Variants in RUNDC3A observed in about 807,000 individuals in gnomAD.
RUNDC3A encodes RUN domain-containing protein 3A.
A neutral mutation model predicts 53.9 loss-of-function variants in RUNDC3A; 28 were observed. The observed-to-expected ratio is 0.52, with a 90% CI of 0.38 to 0.71. RUNDC3A has a LOEUF of 0.71. RUNDC3A is among the 30% of genes least tolerant of loss of function. The pLI, the probability that RUNDC3A is intolerant of heterozygous loss-of-function variation, is 0.00. For missense variants in RUNDC3A, 491 were observed against 597.3 expected, an observed-to-expected ratio of 0.82 and a Z score of 1.85; for synonymous variants, 232 against 249.4, an observed-to-expected ratio of 0.93 and a Z score of 0.66.
At position 44,313,195 on chromosome 17, in the gene RUNDC3A, C is replaced by T; in HGVS notation, c.315C>T (p.Pro105=). The T allele has an allele frequency of 6.2e-7, 1 of 1,613,862 alleles. No individual in the cohort carries two copies. Among genetic ancestry groups the T allele is most frequent in the Non-Finnish European group, 8.5e-7 (1 of 1,179,844 alleles). ...TCCGGCTGGCCTGCAGCAAAGTGCC[C>T]AACAACTGTGTGAGCAGCATCGAGA... is the stretch of plus-strand genomic sequence containing the variant. The part of the protein sequence containing the change: ...DYIRLACSKV[P]NNCVSSIENM... Residue 105 remains proline (P), a synonymous_variant, in exon 3 of 11, where the codon CCC becomes CCT. Coordinates refer to ENST00000426726, the MANE Select transcript of RUNDC3A (RefSeq NM_001144825.2).
At position 44,315,720 on chromosome 17, in the gene RUNDC3A, C is replaced by T. The variant is rs2047849704; in HGVS notation, c.953+111C>T. On this transcript the variant is annotated intron_variant, in intron 8 of 10. Coordinates refer to ENST00000426726, the MANE Select transcript of RUNDC3A (RefSeq NM_001144825.2). This position sits in a 1 kb window ranked among gnomAD's most constrained non-coding sequence, Gnocchi z 6.1. The stretch of plus-strand genomic sequence containing the variant: ...TAACATCACCCGACACGAGCACCCA[C>T]CTCTCCAGCATCAACCCTCTGATCC... 1.9e-6 allele frequency: 2 copies of T among 1,026,578 alleles called. No individual in the cohort carries two copies. The highest frequency in any genetic ancestry group is 2.6e-6 in the Non-Finnish European group (2 of 768,630). 63.6% of individuals were successfully genotyped at this position (1,026,578 alleles called of 1,614,324 possible).
intron 1 of RUNDC3A, 45 bp from the exon 2 acceptor site, chr17:44,312,535 C>T (rs1370761447): frequency 3.5e-6 from 4 of 1,141,278 alleles, no homozygotes; most frequent in Non-Finnish European, 5.1e-6. Context: ...CACCTGTTTC[C>T]TCACCTGACA....
intron 8 of RUNDC3A, 62 bp from the exon 9 acceptor site, chr17:44,316,323 T>G: frequency 6.6e-7 from 1 of 1,515,504 alleles, no homozygotes; most frequent in Non-Finnish European, 9.1e-7. Context: ...ATCCCCTTGC[T>G]GAATCTCCCT....
intron 4 of RUNDC3A, chr17:44,314,446 A>T: frequency 1.5e-6 from 2 of 1,334,436 alleles, no homozygotes; most frequent in Non-Finnish European, 1.9e-6. Flanking sequence ...AGCACTAATG[A>T]TTAAGACTTG....
chr17:44,314,860 G>A, intron 5 of RUNDC3A, 36 bp downstream of exon 5: 3 of 1,613,868 alleles, frequency 1.9e-6, no homozygotes, highest in Non-Finnish European at 2.5e-6. Context: ...GGAGGGGGCT[G>A]TTTCCCCCAT....
chr17:44,313,282 C>G (rs898282238), intron 3 of RUNDC3A, 30 bp downstream of exon 3: 4 of 1,611,908 alleles, frequency 2.5e-6, no homozygotes, highest in Non-Finnish European at 3.4e-6. Context: ...CAACTGCTCT[C>G]TGCTCTGGAC....
intron 4 of RUNDC3A, chr17:44,314,370 C>A: frequency 9.5e-7 from 1 of 1,053,942 alleles, no homozygotes; most frequent in Non-Finnish European, 1.1e-6. Flanking sequence ...GATGTTTTTA[C>A]TGAATTCCAT....
chr17:44,314,003 A>G (rs2047803028), intron 4 of RUNDC3A: 1 of 991,208 alleles, frequency 1.0e-6, no homozygotes, highest in African/African-American at 1.7e-5. Context: ...CACCACCACC[A>G]CTTGCAAGTC....
chr17:44,318,062 T>A, intron 10 of RUNDC3A, 34 bp from the exon 11 acceptor site: 2 of 1,546,196 alleles, frequency 1.3e-6, no homozygotes, highest in Non-Finnish European at 1.7e-6. Flanking sequence ...ACATGTAGAC[T>A]GGTCGCTTGG....
intron 9 of RUNDC3A, 24 bp from the exon 10 acceptor site, chr17:44,316,595 G>A (rs2047868697): frequency 1.9e-6 from 3 of 1,559,448 alleles, no homozygotes; most frequent in Non-Finnish European, 2.6e-6. Context: ...CTCTACCGGC[G>A]CACCAGCTCT....
rs762826390 is a variant in RUNDC3A, at chr17:44,308,882, A to G, written c.50A>G (p.Lys17Arg). 6 of 1,612,022 alleles carry G rather than the reference A, an allele frequency of 3.7e-6. No individual in the cohort carries two copies. The Admixed American group carries it at 1.0e-4, about 27-fold the overall frequency. ...ACCATGGCTCTGGGGCTGTCCTCCAAGAAAGCGTCCTCTCGCAACGTGGCT... is the reference window on the plus strand; with the variant it reads ...ACCATGGCTCTGGGGCTGTCCTCCAGGAAAGCGTCCTCTCGCAACGTGGCT... The part of the protein sequence containing the change: ...QTTMALGLSS[K>R]KASSRNVAVE... Residue 17 changes from lysine to arginine, a missense_variant, in exon 1 of 11, where the codon AAG becomes AGG. Physicochemically the swap from Lys to Arg is conservative, Grantham distance 26. Coordinates refer to ENST00000426726, the MANE Select transcript of RUNDC3A (RefSeq NM_001144825.2).
chr17:44,317,456 ATT>A (rs763349219), intron 10 of RUNDC3A: 41 of 780,632 alleles, frequency 5.3e-5, no homozygotes, highest in Non-Finnish European at 9.6e-6. Context: ...TTGCCTGACC[ATT>A]GTTTCCCCCT....
intron 10 of RUNDC3A, chr17:44,317,394 C>T (rs1000737370): frequency 1.9e-5 from 15 of 771,312 alleles, no homozygotes; most frequent in East Asian, 7.3e-5. Context: ...CACAAACTCT[C>T]GGGGAACTCC....
At chr17:44,317,316 A>G (rs1364536030) in intron 10 of RUNDC3A, among the ~76,000 whole-genome samples, 1 of 152,154 alleles carries the variant, frequency 6.6e-6, no homozygotes, top group Non-Finnish European at 1.5e-5. Flanking sequence ...GGGGATGTTG[A>G]TAATCACCAA....
intron 10 of RUNDC3A, chr17:44,316,944 T>TC: frequency 2.1e-6 from 1 of 477,054 alleles, no homozygotes; most frequent in Non-Finnish European, 3.7e-6. Context: ...TGCCTCAGCC[T>TC]CCCGAGTAGC....
At position 44,315,763 on chromosome 17, in the gene RUNDC3A, G is replaced by A. The variant is rs1437785542; in HGVS notation, c.953+154G>A. On this transcript the variant is annotated intron_variant, in intron 8 of 10. Transcript: ENST00000426726. The surrounding 1 kb of genome is among the most constrained non-coding windows in gnomAD (Gnocchi z 6.1). ...TCTGATCCAGCCAGCCCCACCCCGA[G>A]ATGCCCACAATGATCTTCTAACATT... The A allele has an allele frequency of 3.3e-6, 2 of 603,674 alleles. No individual in the cohort carries two copies. Among genetic ancestry groups the A allele is most frequent in the East Asian group, 7.0e-5 (2 of 28,494 alleles). 37.4% of individuals were successfully genotyped at this position (603,674 alleles called of 1,614,324 possible).
intron 1 of RUNDC3A, among the ~76,000 whole-genome samples, chr17:44,310,198 C>A (rs562831004): frequency 2.6e-5 from 4 of 152,366 alleles, no homozygotes; most frequent in Admixed American, 6.5e-5. Flanking sequence ...TTTAGCTGCG[C>A]CACCTTGGGG....
Position 44,308,702 on chromosome 17 carries a change from C to G in RUNDC3A, c.-131C>G. On this transcript the variant is annotated 5_prime_UTR_variant, in exon 1 of 11. Coordinates refer to ENST00000426726, the MANE Select transcript of RUNDC3A (RefSeq NM_001144825.2). ...GGGGGCCGGGCACCGGGCGCAAAGGCAGGGGGATGGCCATGGAAGGGTTGA... is the reference window on the plus strand; with the variant it reads ...GGGGGCCGGGCACCGGGCGCAAAGGGAGGGGGATGGCCATGGAAGGGTTGA... 1 of 509,284 alleles carries G rather than the reference C, an allele frequency of 2.0e-6. No homozygotes were observed. The highest frequency in any genetic ancestry group is 3.3e-6 in the Non-Finnish European group (1 of 299,758). The allele number at this position is 509,284 out of a possible 1,614,324, so 31.5% of individuals were successfully genotyped here. A position where few individuals can be genotyped will look rare whatever the true frequency, so the allele number is the denominator to read the frequency against.
At chr17:44,317,042 A>G (rs2047880565) in intron 10 of RUNDC3A, 1 of 384,904 alleles carries the variant, frequency 2.6e-6, no homozygotes, top group Non-Finnish European at 4.7e-6. Flanking sequence ...TTTAGTAGAG[A>G]CGGAGTTTCG....
Sources: allele counts gnomAD v4.1 joint callset (sites outside exome capture counted in the v4.1 genomes callset), GRCh38; gene constraint gnomAD v4.1.1; non-coding constraint Gnocchi (gnomAD v3.1); transcripts MANE v1.5; gene names NCBI Gene and HGNC (gene_info 2026-07-23, HGNC 2026-07-21).